Variants in NRG3 observed in about 807,000 individuals in gnomAD.
NRG3 encodes the protein pro-neuregulin-3, membrane-bound isoform.
Under a neutral mutation model 66.9 loss-of-function variants are expected in NRG3, and 31 were observed. The observed-to-expected ratio is 0.46, with a 90% CI of 0.35 to 0.63. The LOEUF (loss-of-function observed/expected upper bound fraction) is 0.63, where lower values mean the gene tolerates loss of function less well. NRG3 is among the 20% of genes least tolerant of loss of function. The pLI is 0.00. For missense variants in NRG3, 910 were observed against 878.9 expected (o/e 1.04, Z -0.45); for synonymous variants, 393 against 359.4 (o/e 1.09, Z -1.06).
intron 3 of NRG3, among the ~76,000 whole-genome samples, chr10:82,786,910 C>T (rs1377714917): frequency 6.6e-6 from 1 of 152,056 alleles, no homozygotes; most frequent in Non-Finnish European, 1.5e-5. Context: ...CTGTCTTGCC[C>T]TTCCACCTTC....
intron 2 of NRG3, among the ~76,000 whole-genome samples, chr10:82,735,289 T>A (rs1054140807): frequency 6.6e-6 from 1 of 152,184 alleles, no homozygotes; most frequent in African/African-American, 2.4e-5. Context: ...GCTCCTTGTT[T>A]TGTAAAACAA....
chr10:82,262,707 T>C (rs966183643), intron 1 of NRG3, among the ~76,000 whole-genome samples: 7 of 152,182 alleles, frequency 4.6e-5, no homozygotes, highest in African/African-American at 1.4e-4. Flanking sequence ...GTGGGGATAT[T>C]TTAATAAGTG....
At chr10:82,106,744 G>A (rs532404017) in intron 1 of NRG3, among the ~76,000 whole-genome samples, 2 of 152,158 alleles carry the variant, frequency 1.3e-5, no homozygotes, top group Admixed American at 1.3e-4. Context: ...GACCTCAAAT[G>A]ATCCGCCTGC....
intron 2 of NRG3, among the ~76,000 whole-genome samples, chr10:82,643,465 A>G (rs187652619): frequency 6.6e-6 from 1 of 152,150 alleles, no homozygotes; most frequent in East Asian, 1.9e-4. Context: ...TAAATTGCCC[A>G]GGCTCGGGTA....
chr10:82,741,498 C>T (rs1010876), intron 3 of NRG3, among the ~76,000 whole-genome samples: 18,542 of 152,162 alleles, frequency 0.12, 1,781 homozygotes, highest in African/African-American at 0.26. Flanking sequence ...CAGCCCACTT[C>T]CCTTATTCCT....
At chr10:82,888,498 A>G (rs1056414854) in intron 4 of NRG3, among the ~76,000 whole-genome samples, 5 of 152,194 alleles carry the variant, frequency 3.3e-5, no homozygotes, top group Admixed American at 3.3e-4. Flanking sequence ...CTCTTTTACA[A>G]GAAACAATTG....
chr10:82,360,635 T>A lies in NRG3; in HGVS notation c.953+1767T>A, dbSNP rs530765511. 9.2e-5 allele frequency among the ~76,000 whole-genome samples: 14 copies of A among 152,304 alleles called. No homozygotes were observed. In the South Asian group the frequency reaches 1.2e-3, roughly 14 times the overall value. On this transcript the variant is annotated intron_variant, in intron 2 of 8. Coordinates refer to ENST00000372141, the MANE Select transcript of NRG3 (RefSeq NM_001010848.4). ...TATTCTTCATTACTTCATGAGTGTATGAATTTGCTAGGACTGCTGTTACAA... is the reference window on the plus strand; with the variant it reads ...TATTCTTCATTACTTCATGAGTGTAAGAATTTGCTAGGACTGCTGTTACAA...
chr10:82,735,702 C>A, intron 2 of NRG3, among the ~76,000 whole-genome samples: 1 of 151,888 alleles, frequency 6.6e-6, no homozygotes, highest in East Asian at 1.9e-4. Flanking sequence ...GGGAGTTGAA[C>A]AATGAAAGCA....
intron 2 of NRG3, among the ~76,000 whole-genome samples, chr10:82,723,369 C>T (rs2057413632): frequency 1.3e-5 from 2 of 152,138 alleles, no homozygotes; most frequent in Admixed American, 6.5e-5. Flanking sequence ...GGATACTATG[C>T]TTCGTACCTG....
intron 1 of NRG3, among the ~76,000 whole-genome samples, chr10:82,135,583 A>G (rs776545333): frequency 1.5e-4 from 23 of 151,950 alleles, no homozygotes; most frequent in Non-Finnish European, 3.2e-4. Flanking sequence ...CAGGCTCACT[A>G]ATTCTGTCAT....
chr10:82,415,798 A>G lies in NRG3; in HGVS notation c.953+56930A>G, dbSNP rs1250194718. On this transcript the variant is annotated intron_variant, in intron 2 of 8. Coordinates refer to ENST00000372141, the MANE Select transcript of NRG3 (RefSeq NM_001010848.4). Reference sequence around the variant, plus strand: ...TTAATTATGTCCTTCCCCTTCCCCTAATCATAAATAACAAAATGATGCTAT... The same window carrying G: ...TTAATTATGTCCTTCCCCTTCCCCTGATCATAAATAACAAAATGATGCTAT... 2.0e-5 allele frequency among the ~76,000 whole-genome samples: 3 copies of G among 152,112 alleles called. No homozygotes were observed. In the East Asian group the frequency reaches 5.8e-4, roughly 29 times the overall value.
At chr10:82,649,459 C>CTTTTTTTTTTT (rs71469930) in intron 2 of NRG3, among the ~76,000 whole-genome samples, 2 of 48,794 alleles carry the variant, frequency 4.1e-5, no homozygotes, top group African/African-American at 1.3e-4. Flanking sequence ...CTGGTGCAGG[C>CTTTTTTTTTTT]TTTTTTTTTT....
At chr10:82,476,121 A>C (rs753041310) in intron 2 of NRG3, among the ~76,000 whole-genome samples, 5 of 152,218 alleles carry the variant, frequency 3.3e-5, no homozygotes, top group Admixed American at 6.5e-5. Context: ...AAGGCAAATC[A>C]AAAGCATGAA....
intron 4 of NRG3, among the ~76,000 whole-genome samples, chr10:82,877,040 G>C (rs1368233237): frequency 1.3e-5 from 2 of 149,688 alleles, no homozygotes; most frequent in Non-Finnish European, 3.0e-5. Context: ...AAAAAAAAAA[G>C]AAAGAAAGTA....
At chr10:81,980,693 T>C (rs1452488385) in intron 1 of NRG3, among the ~76,000 whole-genome samples, 1 of 152,154 alleles carries the variant, frequency 6.6e-6, no homozygotes, top group Non-Finnish European at 1.5e-5. Flanking sequence ...CAAAATATCA[T>C]ATAATAGGTG....
chr10:82,201,067 G>A (rs1236165476), intron 1 of NRG3, among the ~76,000 whole-genome samples: 1 of 151,822 alleles, frequency 6.6e-6, no homozygotes, highest in African/African-American at 2.4e-5. Flanking sequence ...TGTGGTGACA[G>A]GCGCCTGTTC....
chr10:81,951,133 C>T (rs2133189799), intron 1 of NRG3, among the ~76,000 whole-genome samples: 1 of 152,192 alleles, frequency 6.6e-6, no homozygotes, highest in Admixed American at 6.5e-5. Context: ...GAAATTTTCC[C>T]TTAAGTCAAC....
At chr10:82,763,497 A>G (rs1040481960) in intron 3 of NRG3, among the ~76,000 whole-genome samples, 5 of 152,186 alleles carry the variant, frequency 3.3e-5, no homozygotes, top group Non-Finnish European at 4.4e-5. Context: ...CTTGTAGCAT[A>G]AAACAAAGAA....
At chr10:82,616,553 G>T (rs2048662570) in intron 2 of NRG3, among the ~76,000 whole-genome samples, 1 of 152,146 alleles carries the variant, frequency 6.6e-6, no homozygotes, top group Middle Eastern at 3.4e-3. Context: ...CTTATCTCAG[G>T]TGTCAACATT....
Sources: gnomAD v4.1 joint callset for allele counts (sites outside exome capture counted in the v4.1 genomes callset) on GRCh38, gnomAD v4.1.1 for gene constraint, MANE v1.5 for transcripts, NCBI Gene and HGNC (gene_info 2026-07-23, HGNC 2026-07-21) for gene names.